Variants in DZIP1L observed in about 807,000 individuals in gnomAD.
The protein encoded by DZIP1L is DAZ interacting zinc finger protein 1 like.
Under a neutral mutation model 88.7 loss-of-function variants are expected in DZIP1L, and 90 were observed. The observed-to-expected ratio is 1.02, with a 90% CI of 0.86 to 1.21. The LOEUF (loss-of-function observed/expected upper bound fraction) is 1.21. Ranked by LOEUF, DZIP1L falls within the 50% of genes most tolerant of loss-of-function variation. The probability of loss-of-function intolerance (pLI) is 0.00; values close to 1 mark genes in which losing one functional copy is unlikely to be tolerated. For synonymous variants in DZIP1L, 363 were observed against 372.1 expected (o/e 0.98, Z 0.28); for missense variants, 932 against 955.8 (o/e 0.98, Z 0.33).
chr3:138,101,349 T>G (rs1576494837), intron 2 of DZIP1L: 4 of 566,412 alleles, frequency 7.1e-6, no homozygotes, highest in South Asian at 2.1e-5. Context: ...CCCCCGCAGG[T>G]GGGTTGAGGG....
rs1942757423 is a variant in DZIP1L at position 138,062,940 on chromosome 3, AAGG to A, written c.2177_2179del (p.Ser726del). On this transcript the variant is annotated inframe_deletion, in exon 16 of 16. Transcript: ENST00000327532. ...GTCCAGGTCCAGAGGAAGATCTTCC[AAGG>A]AGGAGATCTCCAAGTCACTCTCATC... 4 of 1,614,082 alleles carry A rather than the reference AAGG, an allele frequency of 2.5e-6. No individual in the cohort carries two copies. Among genetic ancestry groups the A allele is most frequent in the East Asian group, 2.2e-5 (1 of 44,894 alleles).
chr3:138,102,908 T>A, intron 2 of DZIP1L: 1 of 589,334 alleles, frequency 1.7e-6, no homozygotes, highest in South Asian at 1.8e-5. Context: ...TGGGTCACCC[T>A]GATGAACATG....
At chr3:138,086,050 T>C (rs1302503057) in intron 7 of DZIP1L, among the ~76,000 whole-genome samples, 1 of 150,692 alleles carries the variant, frequency 6.6e-6, no homozygotes, top group Non-Finnish European at 1.5e-5. Flanking sequence ...AGTTGGGAAT[T>C]GAACAATGAG....
chr3:138,070,390 T>A (rs1273539663), intron 12 of DZIP1L, among the ~76,000 whole-genome samples: 3 of 152,238 alleles, frequency 2.0e-5, no homozygotes, highest in Admixed American at 6.5e-5. Context: ...GAGATTTCTA[T>A]GCAAGATAAA....
At chr3:138,084,434 GAAGAAGT>G (rs907319479) in intron 7 of DZIP1L, among the ~76,000 whole-genome samples, 181 bp from the exon 8 acceptor site, 3 of 152,224 alleles carry the variant, frequency 2.0e-5, no homozygotes, top group African/African-American at 4.8e-5. Context: ...CTGTGCCTGA[GAAGAAGT>G]AAGAATGGAA....
At chr3:138,081,797 C>G in intron 8 of DZIP1L, 33 bp from the exon 9 acceptor site, 2 of 1,609,940 alleles carry the variant, frequency 1.2e-6, no homozygotes, top group Non-Finnish European at 1.7e-6. Flanking sequence ...GGGTTACAAC[C>G]AGCAGAGAAC....
intron 11 of DZIP1L, among the ~76,000 whole-genome samples, chr3:138,074,393 G>A (rs1038756748): frequency 6.6e-6 from 1 of 152,230 alleles, no homozygotes; most frequent in South Asian, 2.1e-4. Flanking sequence ...GAAGGGATTG[G>A]GGTCCTATTC....
At chr3:138,086,395 C>A (rs906514748) in intron 7 of DZIP1L, among the ~76,000 whole-genome samples, 13 of 152,100 alleles carry the variant, frequency 8.5e-5, no homozygotes, top group African/African-American at 3.1e-4. Context: ...ATCTTCTGAG[C>A]TTTTTGCAGG....
chr3:138,083,573 A>C (rs753075880), intron 8 of DZIP1L, among the ~76,000 whole-genome samples: 7 of 152,220 alleles, frequency 4.6e-5, no homozygotes, highest in Non-Finnish European at 1.0e-4. Context: ...ACACTGCTTT[A>C]TCTCTCACCT....
intron 1 of DZIP1L, among the ~76,000 whole-genome samples, chr3:138,106,886 AAG>A (rs1332762845): frequency 0.026 from 3,858 of 150,062 alleles, 154 homozygotes; most frequent in African/African-American, 0.089. Context: ...GAGAGAGAGA[AAG>A]AGAGAGAGAG....
chr3:138,085,588 A>C (rs555955887), intron 7 of DZIP1L, among the ~76,000 whole-genome samples: 1 of 152,236 alleles, frequency 6.6e-6, no homozygotes, highest in South Asian at 2.1e-4. Flanking sequence ...AATGGCGATC[A>C]TTAAAAAGTC....
intron 5 of DZIP1L, among the ~76,000 whole-genome samples, chr3:138,090,572 A>C (rs1944163936): frequency 6.6e-6 from 1 of 152,018 alleles, no homozygotes; most frequent in African/African-American, 2.4e-5. Context: ...CCCCATCCCC[A>C]CCCCAGTGCA....
chr3:138,065,650 C>T (rs1032492443), intron 14 of DZIP1L, among the ~76,000 whole-genome samples: 1 of 152,228 alleles, frequency 6.6e-6, no homozygotes, highest in African/African-American at 2.4e-5. Flanking sequence ...GATGGACTGG[C>T]AGGCTTGGCT....
chr3:138,102,369 A>G (rs1576497240), intron 2 of DZIP1L: 1 of 1,185,550 alleles, frequency 8.4e-7, no homozygotes. Flanking sequence ...ATGCTTATTG[A>G]TCTCATCCTC....
intron 5 of DZIP1L, chr3:138,088,816 T>C: frequency 9.7e-7 from 1 of 1,028,028 alleles, no homozygotes; most frequent in Non-Finnish European, 1.2e-6. Context: ...GCCCCATTTC[T>C]TCCTCAGTCT....
rs1942751419 is a variant in DZIP1L at position 138,062,818 on chromosome 3, A to G, written c.2302T>C (p.Ter768ArgextTer11). 2 of 1,613,818 alleles carry G rather than the reference A, an allele frequency of 1.2e-6. No homozygotes were observed. The highest frequency in any genetic ancestry group is 1.7e-6 in the Non-Finnish European group (2 of 1,180,016). Residue 768 changes from the stop codon to arginine, a stop_lost, in exon 16 of 16, where the codon TGA becomes CGA. Transcript: ENST00000327532. ...AGCCAGCTAGCTTCTGGGGTGAATC[A>G]CCAGGCAGGGACCCTGGGTTGGCCA... ...SSGQPRVPAW[*>R]
At chr3:138,065,538 TC>T (rs1365637969) in intron 14 of DZIP1L, among the ~76,000 whole-genome samples, 1 of 152,226 alleles carries the variant, frequency 6.6e-6, no homozygotes, top group Non-Finnish European at 1.5e-5. Flanking sequence ...GCCAAGACTT[TC>T]TCTGAAGATT....
chr3:138,069,240 T>G, intron 12 of DZIP1L: 1 of 534,944 alleles, frequency 1.9e-6, no homozygotes. Flanking sequence ...TAAACATATT[T>G]GCTCTTCCTT....
At chr3:138,091,409 G>A (rs893260546) in intron 5 of DZIP1L, among the ~76,000 whole-genome samples, 3 of 151,534 alleles carry the variant, frequency 2.0e-5, no homozygotes, top group Non-Finnish European at 4.4e-5. Context: ...CTTGAGGTCA[G>A]AAGTTCAAGA....
Sources: gnomAD v4.1 joint callset for allele counts (sites outside exome capture counted in the v4.1 genomes callset) on GRCh38, gnomAD v4.1.1 for gene constraint, MANE v1.5 for transcripts, NCBI Gene and HGNC (gene_info 2026-07-23, HGNC 2026-07-21) for gene names.